PHKB: variants seen among roughly 807,000 people sequenced by gnomAD.
PHKB encodes phosphorylase b kinase regulatory subunit beta.
Under a neutral mutation model 152.1 loss-of-function variants are expected in PHKB, and 122 were observed. The observed-to-expected ratio is 0.80, with a 90% confidence interval of 0.69 to 0.93. The LOEUF is 0.93. PHKB is among the 40% of genes least tolerant of loss of function. PHKB has a pLI of 0.00. For synonymous variants in PHKB, 436 were observed against 464.9 expected (o/e 0.94, Z 0.80); for missense variants, 1,304 against 1,328.4 (o/e 0.98, Z 0.29).
chr16:47,531,436 TG>T (rs1368195068), intron 6 of PHKB, among the ~76,000 whole-genome samples: 1 of 152,198 alleles, frequency 6.6e-6, no homozygotes, highest in Non-Finnish European at 1.5e-5. Flanking sequence ...ACATTTGTTT[TG>T]TGTGTGTTTA....
At chr16:47,667,325 C>T (rs2057562775) in intron 25 of PHKB, among the ~76,000 whole-genome samples, 2 of 151,960 alleles carry the variant, frequency 1.3e-5, no homozygotes, top group Admixed American at 1.3e-4. Context: ...GTTTCAGTGC[C>T]TTGGGAAGCT....
intron 6 of PHKB, among the ~76,000 whole-genome samples, chr16:47,534,208 G>GC (rs1291315558): frequency 2.0e-5 from 3 of 152,208 alleles, no homozygotes; most frequent in Non-Finnish European, 2.9e-5. Flanking sequence ...GCCCACCGCT[G>GC]CCATCACTAG....
Position 47,587,772 on chromosome 16 carries a change from T to C in PHKB, c.870+9T>C. The C allele has an allele frequency of 6.4e-7, 1 of 1,567,064 alleles. No homozygotes were observed. The highest frequency in any genetic ancestry group is 8.8e-7 in the Non-Finnish European group (1 of 1,137,076). Reference sequence around the variant, plus strand: ...GAGAATCAAGATCACATGTGAGACATTTAATAATGATAAATTTAACATGAA... The same window carrying C: ...GAGAATCAAGATCACATGTGAGACACTTAATAATGATAAATTTAACATGAA... On this transcript the variant is annotated intron_variant, in intron 9 of 30. Transcript: ENST00000323584.
chr16:47,581,056 T>C (rs894132021), intron 8 of PHKB, among the ~76,000 whole-genome samples: 1 of 152,170 alleles, frequency 6.6e-6, no homozygotes, highest in African/African-American at 2.4e-5. Flanking sequence ...ATTCCTAAGA[T>C]GGTGAAGTAA....
chr16:47,620,234 T>C (rs894295442), intron 14 of PHKB, among the ~76,000 whole-genome samples: 8 of 152,188 alleles, frequency 5.3e-5, no homozygotes, highest in Non-Finnish European at 1.0e-4. Context: ...GAAAAAAATA[T>C]TCTGATATGA....
At chr16:47,558,001 T>C (rs1464884496) in intron 7 of PHKB, among the ~76,000 whole-genome samples, 3 of 151,444 alleles carry the variant, frequency 2.0e-5, no homozygotes, top group Admixed American at 6.6e-5. Flanking sequence ...CCAACAATGA[T>C]AGACTGGATT....
intron 16 of PHKB, among the ~76,000 whole-genome samples, chr16:47,642,347 G>A (rs1332366435): frequency 1.3e-5 from 2 of 152,132 alleles, no homozygotes; most frequent in Non-Finnish European, 2.9e-5. Context: ...GGAATTAAAA[G>A]GTGACATTTG....
chr16:47,519,430 A>G (rs1194607389), intron 6 of PHKB, among the ~76,000 whole-genome samples: 1 of 152,186 alleles, frequency 6.6e-6, no homozygotes, highest in African/African-American at 2.4e-5. Flanking sequence ...TGCACTTAAG[A>G]TGTCAGCTGG....
intron 1 of PHKB, 107 bp downstream of exon 1, chr16:47,461,533 C>T (rs1219905047): frequency 1.3e-5 from 14 of 1,104,224 alleles, no homozygotes; most frequent in East Asian, 2.4e-5. Flanking sequence ...AACCTGTGCC[C>T]CGAGTTCCTC....
intron 1 of PHKB, among the ~76,000 whole-genome samples, chr16:47,490,840 A>C (rs1970137624): frequency 6.6e-6 from 1 of 152,178 alleles, no homozygotes; most frequent in Non-Finnish European, 1.5e-5. Flanking sequence ...GAAACCACAT[A>C]ATAACCCCCA....
At chr16:47,616,531 TATATAA>T (rs912650345) in intron 14 of PHKB, among the ~76,000 whole-genome samples, 1 of 145,968 alleles carries the variant, frequency 6.9e-6, no homozygotes, top group Non-Finnish European at 1.5e-5. Flanking sequence ...ATATTTATAA[TATATAA>T]ATATAAATAT....
At chr16:47,473,584 T>G (rs1253397271) in intron 1 of PHKB, among the ~76,000 whole-genome samples, 1 of 152,190 alleles carries the variant, frequency 6.6e-6, no homozygotes, top group Non-Finnish European at 1.5e-5. Context: ...GAATTATTCT[T>G]TATGTTTAAC....
At chr16:47,532,013 A>G (rs911109506) in intron 6 of PHKB, among the ~76,000 whole-genome samples, 1 of 152,242 alleles carries the variant, frequency 6.6e-6, no homozygotes, top group African/African-American at 2.4e-5. Flanking sequence ...TAACACAGGT[A>G]TCTGACACAA....
At chr16:47,583,370 A>G (rs1471098080) in intron 8 of PHKB, among the ~76,000 whole-genome samples, 3 of 152,192 alleles carry the variant, frequency 2.0e-5, no homozygotes, top group Non-Finnish European at 4.4e-5. Flanking sequence ...CATTGTATAT[A>G]CTTAAAAGAG....
chr16:47,557,570 A>G (rs1303674410), intron 7 of PHKB, among the ~76,000 whole-genome samples: 33 of 152,214 alleles, frequency 2.2e-4, no homozygotes, highest in East Asian at 3.8e-4. Flanking sequence ...AAAAGTGGGC[A>G]AAGGACATGA....
chr16:47,596,356 AT>A lies in PHKB; in HGVS notation c.1205-12del. ...CAGATTTGTTATATTTTAAATACTT[AT>A]TTTTAAACTCCATAGGATATCCTGT... On this transcript the variant is annotated splice_polypyrimidine_tract_variant and intron_variant, in intron 12 of 30. Coordinates refer to ENST00000323584, the MANE Select transcript of PHKB (RefSeq NM_000293.3). The A allele has an allele frequency of 6.5e-7, 1 of 1,543,000 alleles. No individual in the cohort carries two copies. Among genetic ancestry groups the A allele is most frequent in the Non-Finnish European group, 9.0e-7 (1 of 1,116,036 alleles).
At chr16:47,470,263 A>T (rs1381678598) in intron 1 of PHKB, among the ~76,000 whole-genome samples, 1 of 152,226 alleles carries the variant, frequency 6.6e-6, no homozygotes, top group Non-Finnish European at 1.5e-5. Flanking sequence ...GTAGATATTA[A>T]ATTAACTATA....
chr16:47,547,498 C>T lies in PHKB; in HGVS notation c.660C>T (p.Val220=), dbSNP rs1597074996. Residue 220 remains valine, a synonymous_variant, in exon 7 of 31, where the codon GTC becomes GTT. Transcript: ENST00000323584. Reference sequence around the variant, plus strand: ...TTTACCGTGTGCCTGACTTTGGTGTCTGGGAAAGAGGAAGCAAATATAATA... The same window carrying T: ...TTTACCGTGTGCCTGACTTTGGTGTTTGGGAAAGAGGAAGCAAATATAATA... ...ERVYRVPDFG[V]WERGSKYNNG... is the part of the protein sequence containing the mutation. 1 of 1,612,900 alleles carries T rather than the reference C, an allele frequency of 6.2e-7. No individual in the cohort carries two copies. The highest frequency in any genetic ancestry group is 8.5e-7 in the Non-Finnish European group (1 of 1,179,184).
chr16:47,599,776 A>T (rs751068495), intron 13 of PHKB, among the ~76,000 whole-genome samples: 21 of 152,216 alleles, frequency 1.4e-4, no homozygotes, highest in Non-Finnish European at 2.9e-4. Flanking sequence ...GAAAAAAAGA[A>T]ATATTGCATA....
Sources: gnomAD v4.1 joint callset for allele counts (sites outside exome capture counted in the v4.1 genomes callset) on GRCh38, gnomAD v4.1.1 for gene constraint, MANE v1.5 for transcripts, NCBI Gene and HGNC (gene_info 2026-07-23, HGNC 2026-07-21) for gene names.